DDAH1: variants seen among roughly 807,000 people sequenced by gnomAD.
DDAH1 encodes dimethylarginine dimethylaminohydrolase 1.
In DDAH1, 19 loss-of-function variants were observed where a neutral mutation model predicts 28.8. That is an observed-to-expected ratio of 0.66 (90% CI 0.46 to 0.97). The LOEUF (loss-of-function observed/expected upper bound fraction) is 0.97, where lower values mean the gene tolerates loss of function less well. Among genes scored for constraint, DDAH1 ranks in the 50% least tolerant of loss-of-function variants. The pLI, the probability that DDAH1 is intolerant of heterozygous loss-of-function variation, is 0.00. For missense variants in DDAH1, 326 were observed against 375.9 expected (o/e 0.87, Z 1.10); for synonymous variants, 153 against 154.4 (o/e 0.99, Z 0.07).
At chr1:85,417,024 G>T (rs1652916907) in intron 1 of DDAH1, among the ~76,000 whole-genome samples, 1 of 152,132 alleles carries the variant, frequency 6.6e-6, no homozygotes, top group Admixed American at 6.5e-5. Flanking sequence ...CCGGGTAGTG[G>T]TCCTACATAT....
intron 1 of DDAH1, among the ~76,000 whole-genome samples, chr1:85,499,136 TAG>T (rs36057121): frequency 0.45 from 68,841 of 151,604 alleles, 16,079 homozygotes; most frequent in East Asian, 0.61. Context: ...ACTAATGCTA[TAG>T]AGTTTATAAA....
chr1:85,465,222 TCCGGGCGCCGGCCCGCGCGCATC>T, upstream of DDAH1: 1 of 1,110,274 alleles, frequency 9.0e-7, no homozygotes, highest in Non-Finnish European at 1.1e-6. Flanking sequence ...TGCCCAGAGC[TCCGGGCGCCGGCCCGCGCGCATC>T]CCGCGCGCCC....
Position 85,464,347 on chromosome 1 carries a change from G to C in DDAH1, c.303+396C>G. 1 of 591,944 alleles carries C rather than the reference G, an allele frequency of 1.7e-6. No individual in the cohort carries two copies. Among genetic ancestry groups the C allele is most frequent in the East Asian group, 6.0e-5 (1 of 16,642 alleles). 36.7% of individuals were successfully genotyped at this position (591,944 alleles called of 1,614,324 possible). A position where few individuals can be genotyped will look rare whatever the true frequency, so the allele number is the denominator to read the frequency against. On this transcript the variant is annotated intron_variant, in intron 1 of 5. Transcript: ENST00000284031. The surrounding 1 kb of genome is among the most constrained non-coding windows in gnomAD (Gnocchi z 4.4). ...GTGTCACGACTGGCGCTGCCCCCTG[G>C]AGGGACGCCCAGCCTCCACCCGCCC...
chr1:85,424,474 G>C (rs1440860592), intron 1 of DDAH1, among the ~76,000 whole-genome samples: 3 of 152,060 alleles, frequency 2.0e-5, no homozygotes, highest in Non-Finnish European at 2.9e-5. Context: ...TATGAACTAA[G>C]GTGATATCTG....
chr1:85,518,350 G>A (rs1236887129), intron 1 of DDAH1, among the ~76,000 whole-genome samples: 2 of 152,176 alleles, frequency 1.3e-5, no homozygotes, highest in Admixed American at 6.5e-5. Flanking sequence ...GGGCAGGGTT[G>A]CACTCCTTCC....
chr1:85,364,060 T>C (rs537432632), intron 1 of DDAH1, among the ~76,000 whole-genome samples: 40 of 152,126 alleles, frequency 2.6e-4, no homozygotes, highest in Non-Finnish European at 3.5e-4. Flanking sequence ...TCACAATAAC[T>C]CCAAAAAGAA....
intron 1 of DDAH1, among the ~76,000 whole-genome samples, chr1:85,559,552 T>C (rs1659080636): frequency 6.6e-6 from 1 of 152,030 alleles, no homozygotes; most frequent in Non-Finnish European, 1.5e-5. Context: ...ATAATGAAAT[T>C]AGAAGGTAAT....
At chr1:85,336,627 A>T (rs1345990728) in intron 4 of DDAH1, among the ~76,000 whole-genome samples, 1 of 152,168 alleles carries the variant, frequency 6.6e-6, no homozygotes, top group African/African-American at 2.4e-5. Flanking sequence ...ACCTCAAGGA[A>T]CTAGAAAAGC....
intron 1 of DDAH1, among the ~76,000 whole-genome samples, chr1:85,541,691 C>A (rs984804884): frequency 2.0e-5 from 3 of 152,126 alleles, no homozygotes; most frequent in Non-Finnish European, 2.9e-5. Flanking sequence ...TTTGTAGAAA[C>A]CTAATTCCCA....
In DDAH1 at chr1:85,328,449, T is replaced by TA. The variant is rs1283701173; in HGVS notation, c.598-3567dup. Among the ~76,000 whole-genome samples, 3 of 151,980 alleles carry TA rather than the reference T, an allele frequency of 2.0e-5. No individual in the cohort carries two copies. In the East Asian group the frequency reaches 5.8e-4, roughly 30 times the overall value. On this transcript the variant is annotated intron_variant, in intron 4 of 5. Transcript: ENST00000284031. ...TAGGATTTGTGAAACTTCTAGACAA[T>TA]AGCTTTTGGTCAGTCTCACAAACGT...
At chr1:85,336,061 A>G (rs1033572351) in intron 4 of DDAH1, among the ~76,000 whole-genome samples, 4 of 152,162 alleles carry the variant, frequency 2.6e-5, no homozygotes, top group Non-Finnish European at 5.9e-5. Flanking sequence ...CTCCAATACA[A>G]TAATAGCTAG....
At chr1:85,436,456 G>A (rs1653948460) in intron 1 of DDAH1, among the ~76,000 whole-genome samples, 2 of 152,206 alleles carry the variant, frequency 1.3e-5, no homozygotes, top group African/African-American at 4.8e-5. Context: ...AGGGAAAGCT[G>A]TTGCATATCA....
At chr1:85,573,276 C>A (rs1032193187) in intron 1 of DDAH1, among the ~76,000 whole-genome samples, 2 of 152,188 alleles carry the variant, frequency 1.3e-5, no homozygotes, top group Non-Finnish European at 2.9e-5. Flanking sequence ...CAGAGCAAAT[C>A]CTTTCTAAAT....
intron 1 of DDAH1, among the ~76,000 whole-genome samples, chr1:85,540,327 T>C (rs1216244999): frequency 6.6e-6 from 1 of 152,182 alleles, no homozygotes; most frequent in Non-Finnish European, 1.5e-5. Context: ...TGATTTCTGC[T>C]GTGCCTGGAC....
intron 2 of DDAH1, among the ~76,000 whole-genome samples, chr1:85,477,127 A>G (rs1290640554): frequency 2.6e-5 from 4 of 152,182 alleles, no homozygotes; most frequent in African/African-American, 9.7e-5. Flanking sequence ...ATTAATCAGG[A>G]GTGGAGAGAA....
chr1:85,562,369 C>T (rs1659166092), intron 1 of DDAH1, among the ~76,000 whole-genome samples: 1 of 152,036 alleles, frequency 6.6e-6, no homozygotes, highest in Middle Eastern at 3.2e-3. Context: ...CATGTTTGTT[C>T]CCTTTAAAAT....
chr1:85,416,410 G>T (rs1321913356), intron 1 of DDAH1, among the ~76,000 whole-genome samples: 3 of 152,100 alleles, frequency 2.0e-5, no homozygotes, highest in Non-Finnish European at 4.4e-5. Flanking sequence ...GGCCAGGCTG[G>T]TATCAAACTT....
chr1:85,443,239 A>T (rs1223464798), intron 1 of DDAH1, among the ~76,000 whole-genome samples: 4 of 152,192 alleles, frequency 2.6e-5, no homozygotes, highest in African/African-American at 9.7e-5. Flanking sequence ...TCAGCTTTCT[A>T]CATATGGCTA....
At chr1:85,429,104 T>C (rs1466633900) in intron 1 of DDAH1, among the ~76,000 whole-genome samples, 1 of 152,048 alleles carries the variant, frequency 6.6e-6, no homozygotes, top group Non-Finnish European at 1.5e-5. Context: ...CCATGGTGGT[T>C]TGCTGCACCC....
Sources: gnomAD v4.1 joint callset for allele counts (sites outside exome capture counted in the v4.1 genomes callset) on GRCh38, gnomAD v4.1.1 for gene constraint, Gnocchi (gnomAD v3.1) non-coding constraint, MANE v1.5 for transcripts, NCBI Gene and HGNC (gene_info 2026-07-23, HGNC 2026-07-21) for gene names.